PIWIL4: variants seen among roughly 807,000 people sequenced by gnomAD.
PIWIL4 encodes piwi like RNA-mediated gene silencing 4.
A neutral mutation model predicts 100.9 loss-of-function variants in PIWIL4; 50 were observed. The ratio of observed to expected loss-of-function variants is 0.50; its 90% CI spans 0.39 to 0.63. The LOEUF (loss-of-function observed/expected upper bound fraction) is 0.63. Ranked by LOEUF, PIWIL4 falls within the 20% of genes least tolerant of loss-of-function variation. PIWIL4 has a pLI of 0.00. For missense variants in PIWIL4, 887 were observed against 1,043.3 expected (o/e 0.85, Z 2.06); for synonymous variants, 342 against 367.5 (o/e 0.93, Z 0.79).
chr11:94,591,882 C>G (rs183167643), intron 8 of PIWIL4, among the ~76,000 whole-genome samples: 20 of 152,234 alleles, frequency 1.3e-4, no homozygotes, highest in Non-Finnish European at 2.1e-4. Flanking sequence ...TTTTCAAATG[C>G]TAAGAAAATT....
intron 15 of PIWIL4, among the ~76,000 whole-genome samples, chr11:94,609,827 C>T (rs1948767425): frequency 6.6e-6 from 1 of 151,782 alleles, no homozygotes; most frequent in African/African-American, 2.4e-5. Flanking sequence ...AAATAATTAC[C>T]ACAGTCAAGG....
At chr11:94,617,080 C>G (rs1948855568) in intron 16 of PIWIL4, among the ~76,000 whole-genome samples, 1 of 152,166 alleles carries the variant, frequency 6.6e-6, no homozygotes, top group South Asian at 2.1e-4. Context: ...TTGCTATTTC[C>G]TAGCAGTGTG....
chr11:94,598,171 C>G (rs1948582250), intron 11 of PIWIL4, among the ~76,000 whole-genome samples: 1 of 152,138 alleles, frequency 6.6e-6, no homozygotes, highest in Non-Finnish European at 1.5e-5. Context: ...TAAAACATAC[C>G]TATCTTCTGT....
At chr11:94,603,325 A>C (rs1948671171) in intron 12 of PIWIL4, among the ~76,000 whole-genome samples, 1 of 152,194 alleles carries the variant, frequency 6.6e-6, no homozygotes, top group Admixed American at 6.5e-5. Context: ...TTATATACAC[A>C]TAAAAGAGGC....
intron 4 of PIWIL4, 144 bp downstream of exon 4, chr11:94,577,636 AC>A: frequency 1.4e-6 from 1 of 727,814 alleles, no homozygotes; most frequent in South Asian, 2.8e-5. Context: ...TTAAAAAACT[AC>A]CTTTATTTCT....
chr11:94,599,063 T>C (rs1420667215), intron 11 of PIWIL4, among the ~76,000 whole-genome samples: 1 of 152,136 alleles, frequency 6.6e-6, no homozygotes, highest in African/African-American at 2.4e-5. Context: ...TTGGAGAAGA[T>C]AAGGAAGTAC....
At chr11:94,587,395 G>A (rs1948415812) in intron 7 of PIWIL4, 148 bp downstream of exon 7, 15 of 868,294 alleles carry the variant, frequency 1.7e-5, no homozygotes, top group Admixed American at 2.8e-5. Flanking sequence ...TTTGCTGTCT[G>A]GAGTTCACAT....
At chr11:94,569,356 T>G (rs1369809951) in intron 2 of PIWIL4, among the ~76,000 whole-genome samples, 1 of 137,948 alleles carries the variant, frequency 7.2e-6, no homozygotes, top group Admixed American at 7.0e-5. Flanking sequence ...TTGGAGGCCA[T>G]TATCTTTTGT....
chr11:94,599,432 T>C (rs1434706285), intron 11 of PIWIL4, among the ~76,000 whole-genome samples: 2 of 152,218 alleles, frequency 1.3e-5, no homozygotes, highest in Non-Finnish European at 1.5e-5. Flanking sequence ...AGGAACTGAA[T>C]GAACTAAAAG....
At chr11:94,576,782 G>A (rs1948243686) in intron 3 of PIWIL4, among the ~76,000 whole-genome samples, 1 of 152,086 alleles carries the variant, frequency 6.6e-6, no homozygotes, top group Non-Finnish European at 1.5e-5. Context: ...GAGATTGTTT[G>A]GTCTAACCAC....
rs981394637 is a variant in PIWIL4, at chr11:94,587,142, A to C, written c.809A>C (p.Asn270Thr). Reference sequence around the variant, plus strand: ...GATGTGAGTTACAAAGTCCTCCGGAATGAGACGGTTCTGGAATTCATGACT... The same window carrying C: ...GATGTGAGTTACAAAGTCCTCCGGACTGAGACGGTTCTGGAATTCATGACT... ...SADVSYKVLRNETVLEFMTAL... is the reference protein window; with the variant it reads ...SADVSYKVLRTETVLEFMTAL... Residue 270 changes from asparagine to threonine, a missense_variant, in exon 7 of 20, where the codon AAT (asparagine) becomes ACT (threonine). Asn to Thr is a moderately conservative substitution (Grantham distance 65, BLOSUM62 0). Transcript: ENST00000299001. 1.9e-6 allele frequency: 3 copies of C among 1,614,032 alleles called. No homozygotes were observed. The highest frequency in any genetic ancestry group is 1.7e-6 in the Non-Finnish European group (2 of 1,179,998).
intron 10 of PIWIL4, 61 bp downstream of exon 10, chr11:94,595,487 T>C (rs572629399): frequency 1.6e-6 from 2 of 1,224,136 alleles, no homozygotes; most frequent in African/African-American, 3.0e-5. Flanking sequence ...ATGGCCTATG[T>C]AACACTGATA....
At chr11:94,619,940 T>C (rs1373154695) in intron 18 of PIWIL4, 55 bp downstream of exon 18, 7 of 1,614,052 alleles carry the variant, frequency 4.3e-6, no homozygotes, top group African/African-American at 1.3e-5. Flanking sequence ...GTCCAGTTTA[T>C]GTTTGACCTT....
At chr11:94,604,157 C>A (rs988500674) in intron 13 of PIWIL4, 101 bp downstream of exon 13, 8 of 595,218 alleles carry the variant, frequency 1.3e-5, no homozygotes, top group Non-Finnish European at 2.2e-5. Context: ...TTGCAAATTG[C>A]CATGCATTTC....
At chr11:94,613,514 A>G (rs1056667424) in intron 15 of PIWIL4, among the ~76,000 whole-genome samples, 1 of 152,184 alleles carries the variant, frequency 6.6e-6, no homozygotes, top group South Asian at 2.1e-4. Context: ...ATTCAAGAAC[A>G]TTTTAGCCAT....
intron 12 of PIWIL4, among the ~76,000 whole-genome samples, chr11:94,602,915 A>G (rs1948663145): frequency 6.6e-6 from 1 of 152,216 alleles, no homozygotes; most frequent in Non-Finnish European, 1.5e-5. Context: ...TGATTATGAA[A>G]GAAGCCACAG....
At chr11:94,593,974 G>A (rs1253499345) in intron 9 of PIWIL4, among the ~76,000 whole-genome samples, 1 of 152,128 alleles carries the variant, frequency 6.6e-6, no homozygotes, top group African/African-American at 2.4e-5. Context: ...GTGCCAGAAT[G>A]ATCCATACTT....
At position 94,577,527 on chromosome 11, in the gene PIWIL4, G is replaced by A. The variant is rs78957113; in HGVS notation, c.513+35G>A. 1,878 of 1,519,072 alleles carry A rather than the reference G, an allele frequency of 1.2e-3. 20 individuals are homozygous for A. The African/African-American group carries it at 0.023, about 19-fold the overall frequency. 94.1% of individuals were successfully genotyped at this position (1,519,072 alleles called of 1,614,324 possible). A position where few individuals can be genotyped will look rare whatever the true frequency, so the allele number is the denominator to read the frequency against. ...GATTAGTTTTTTTACTGTATATGTGGGTGTGTGTTTATTATATGTGTATAC... is the reference window on the plus strand; with the variant it reads ...GATTAGTTTTTTTACTGTATATGTGAGTGTGTGTTTATTATATGTGTATAC... On this transcript the variant is annotated intron_variant, in intron 4 of 19. Transcript: ENST00000299001.
chr11:94,584,326 G>C (rs150285858), intron 5 of PIWIL4, among the ~76,000 whole-genome samples: 68 of 152,282 alleles, frequency 4.5e-4, no homozygotes, highest in African/African-American at 1.6e-3. Context: ...GCATGAAGAT[G>C]GGGAAGTTTG....
Sources: gnomAD v4.1 joint callset for allele counts (sites outside exome capture counted in the v4.1 genomes callset) on GRCh38, gnomAD v4.1.1 for gene constraint, MANE v1.5 for transcripts, NCBI Gene and HGNC (gene_info 2026-07-23, HGNC 2026-07-21) for gene names.